Variants in ZNF141 observed in about 807,000 individuals in gnomAD.
The protein encoded by ZNF141 is zinc finger protein 141.
ZNF141 carries 7 observed loss-of-function variants against 11.3 expected under a neutral mutation model. The ratio of observed to expected loss-of-function variants is 0.62; its 90% confidence interval spans 0.35 to 1.16. The LOEUF (loss-of-function observed/expected upper bound fraction) is 1.16. Ranked by LOEUF, ZNF141 falls within the 50% of genes most tolerant of loss-of-function variation. The pLI is 0.02. For synonymous variants in ZNF141, 183 were observed against 190.7 expected (o/e 0.96, Z 0.33); for missense variants, 535 against 554.0 (o/e 0.97, Z 0.34).
chr4:368,780 A>G (rs1353307106), intron 3 of ZNF141, among the ~76,000 whole-genome samples: 1 of 152,136 alleles, frequency 6.6e-6, no homozygotes, highest in Non-Finnish European at 1.5e-5. Context: ...TTAGCTTTGT[A>G]TGTTTTTTGA....
chr4:372,803 G>C lies in ZNF141; in HGVS notation c.366G>C (p.Glu122Asp). The change falls in exon 4 of 4, where the codon GAG (glutamate) becomes GAC (aspartate). Residue 122 changes from glutamate (E) to aspartate (D), a missense_variant. By Grantham distance (45) the Glu-to-Asp change is conservative. Coordinates refer to ENST00000240499, the MANE Select transcript of ZNF141 (RefSeq NM_003441.4). Reference sequence around the variant, plus strand: ...GAAAAGGCTGTAAAAGTTTGAATGAGTGTAAGTTGCAGAAAGGAGGTTATA... The same window carrying C: ...GAAAAGGCTGTAAAAGTTTGAATGACTGTAAGTTGCAGAAAGGAGGTTATA... ...QLRKGCKSLNECKLQKGGYNE... is the reference protein window; with the variant it reads ...QLRKGCKSLNDCKLQKGGYNE... 1 of 1,613,938 alleles carries C rather than the reference G, an allele frequency of 6.2e-7. No individual in the cohort carries two copies. The highest frequency in any genetic ancestry group is 1.1e-5 in the South Asian group (1 of 91,064).
Position 373,183 on chromosome 4 carries a change from A to G in ZNF141, c.746A>G (p.His249Arg), listed in dbSNP as rs781788582. The change falls in exon 4 of 4, where the codon CAT becomes CGT. Residue 249 changes from histidine to arginine, a missense_variant. By Grantham distance (29) the His-to-Arg change is conservative. Transcript: ENST00000240499. ...SSHFAKHKII[H>R]TGEKPYKCEE... ...CACTTTGCTAAGCATAAAATAATTCATACTGGAGAAAAACCCTATAAATGT... is the reference window on the plus strand; with the variant it reads ...CACTTTGCTAAGCATAAAATAATTCGTACTGGAGAAAAACCCTATAAATGT... 3.1e-6 allele frequency: 5 copies of G among 1,614,076 alleles called. No homozygotes were observed. Among genetic ancestry groups the G allele is most frequent in the Non-Finnish European group, 4.2e-6 (5 of 1,180,006 alleles).
intron 1 of ZNF141, among the ~76,000 whole-genome samples, chr4:341,020 C>T (rs1581577475): frequency 6.6e-6 from 1 of 151,860 alleles, no homozygotes; most frequent in African/African-American, 2.4e-5. Flanking sequence ...AAACTCTCTT[C>T]TTATATTATG....
Position 372,667 on chromosome 4 carries a change from T to G in ZNF141, c.230T>G (p.Met77Arg). The G allele has an allele frequency of 6.6e-7, 1 of 1,511,588 alleles. No homozygotes were observed. 93.6% of individuals were successfully genotyped at this position (1,511,588 alleles called of 1,614,324 possible). The change falls in exon 4 of 4, where the codon ATG becomes AGG. Residue 77 changes from methionine (M) to arginine (R), a missense_variant. By Grantham distance (91) the Met-to-Arg change is moderately conservative (BLOSUM62 -1). Transcript: ENST00000240499. ...TTGTAATTTTTATTTCTTTCAGCTA[T>G]GTGTTCTCATTTCACCCAAGACCAT... ...IHKIVARPPA[M>R]CSHFTQDHWP... is the part of the protein sequence containing the mutation.
At chr4:348,008 C>G (rs1311517833) in intron 3 of ZNF141, among the ~76,000 whole-genome samples, 1 of 151,840 alleles carries the variant, frequency 6.6e-6, no homozygotes, top group Admixed American at 6.6e-5. Context: ...CCATGCCCAG[C>G]TAATTTTTTG....
rs781814316 is a variant in ZNF141, at chr4:372,666, A to C, written c.229A>C (p.Met77Leu). The change falls in exon 4 of 4, where the codon ATG becomes CTG. Residue 77 changes from methionine (M) to leucine (L), a missense_variant and splice_region_variant. Physicochemically the swap from Met to Leu is conservative, Grantham distance 15. Coordinates refer to ENST00000240499, the MANE Select transcript of ZNF141 (RefSeq NM_003441.4). ...TTTGTAATTTTTATTTCTTTCAGCTATGTGTTCTCATTTCACCCAAGACCA... is the reference window on the plus strand; with the variant it reads ...TTTGTAATTTTTATTTCTTTCAGCTCTGTGTTCTCATTTCACCCAAGACCA... ...IHKIVARPPA[M>L]CSHFTQDHWP... 32 of 1,510,118 alleles carry C rather than the reference A, an allele frequency of 2.1e-5. No individual in the cohort carries two copies. Among genetic ancestry groups the C allele is most frequent in the Non-Finnish European group, 2.8e-5 (32 of 1,127,754 alleles). The allele number at this position is 1,510,118 out of a possible 1,614,324, so 93.5% of individuals were successfully genotyped here.
intron 2 of ZNF141, 40 bp downstream of exon 2, chr4:343,948 G>A (rs782645652): frequency 1.9e-6 from 3 of 1,574,170 alleles, no homozygotes; most frequent in African/African-American, 1.4e-5. Flanking sequence ...ATTTTTCTCA[G>A]AGCTTTATTT....
At position 380,443 on chromosome 4, in the gene ZNF141, GGA is replaced by G. The variant is rs1553855366; in HGVS notation, c.*6583_*6584del. Among the ~76,000 whole-genome samples the G allele has an allele frequency of 6.6e-6, 1 of 152,096 alleles. No individual in the cohort carries two copies. The stretch of plus-strand genomic sequence containing the variant: ...CCAAGGCAGGTGGATCATGAGGTCA[GGA>G]GTTTGAGACCAGTCTGGCCAACATG... On this transcript the variant is annotated 3_prime_UTR_variant, in exon 4 of 4. Transcript: ENST00000240499.
In ZNF141 at chr4:374,056, A is replaced by T; in HGVS notation, c.*194A>T. Reference sequence around the variant, plus strand: ...GAGAAACTGTACAAATGTGAAGAATATGGCAAAGCCTGTGAATGGTCCACA... The same window carrying T: ...GAGAAACTGTACAAATGTGAAGAATTTGGCAAAGCCTGTGAATGGTCCACA... On this transcript the variant is annotated 3_prime_UTR_variant, in exon 4 of 4. Coordinates refer to ENST00000240499, the MANE Select transcript of ZNF141 (RefSeq NM_003441.4). 1.6e-6 allele frequency: 1 copy of T among 616,476 alleles called. No individual in the cohort carries two copies. Among genetic ancestry groups the T allele is most frequent in the Admixed American group, 3.0e-5 (1 of 32,808 alleles). 38.2% of individuals were successfully genotyped at this position (616,476 alleles called of 1,614,324 possible).
rs1553848989 is a variant in ZNF141, at chr4:343,922, C to T, written c.130+14C>T. The stretch of plus-strand genomic sequence containing the variant: ...TGGTCTCCCTGGGTGAGGATAACTT[C>T]AATACATAATTCCTAATTTTTCTCA... On this transcript the variant is annotated intron_variant, in intron 2 of 3. Coordinates refer to ENST00000240499, the MANE Select transcript of ZNF141 (RefSeq NM_003441.4). The T allele has an allele frequency of 6.3e-7, 1 of 1,583,308 alleles. No homozygotes were observed. Among genetic ancestry groups the T allele is most frequent in the Non-Finnish European group, 8.5e-7 (1 of 1,172,544 alleles).
chr4:376,994 AT>A lies in ZNF141; in HGVS notation c.*3134del, dbSNP rs1712402183. Among the ~76,000 whole-genome samples the A allele has an allele frequency of 6.6e-6, 1 of 152,074 alleles. No individual in the cohort carries two copies. The highest frequency in any genetic ancestry group is 1.5e-5 in the Non-Finnish European group (1 of 67,974). On this transcript the variant is annotated 3_prime_UTR_variant, in exon 4 of 4. Coordinates refer to ENST00000240499, the MANE Select transcript of ZNF141 (RefSeq NM_003441.4). Reference sequence around the variant, plus strand: ...TGTTTATTATGTGAGCTGGTCAGAAATTATAAGAATGATTTTTATAAAATGT... The same window carrying A: ...TGTTTATTATGTGAGCTGGTCAGAAATATAAGAATGATTTTTATAAAATGT...
At chr4:354,517 C>A (rs891335615) in intron 3 of ZNF141, among the ~76,000 whole-genome samples, 1 of 152,064 alleles carries the variant, frequency 6.6e-6, no homozygotes, top group Non-Finnish European at 1.5e-5. Flanking sequence ...TATGTAAATT[C>A]TTTCTGTGCC....
chr4:357,695 TTTTTC>T lies in ZNF141; in HGVS notation c.226+13270_226+13274del, dbSNP rs1316300755. On this transcript the variant is annotated intron_variant, in intron 3 of 3. Coordinates refer to ENST00000240499, the MANE Select transcript of ZNF141 (RefSeq NM_003441.4). ...CCCAAATGCTTCAGTCACTCTTTCTTTTTTCTTTTTTCTTTTTTTTTTTTTTTTTG... is the reference window on the plus strand; with the variant it reads ...CCCAAATGCTTCAGTCACTCTTTCTTTTTTTTCTTTTTTTTTTTTTTTTTG... Among the ~76,000 whole-genome samples, 511 of 150,222 alleles carry T rather than the reference TTTTTC, an allele frequency of 3.4e-3. 2 individuals carry two copies. Among genetic ancestry groups the T allele is most frequent in the African/African-American group, 0.012 (504 of 40,824 alleles).
At chr4:355,270 A>G (rs1581600845) in intron 3 of ZNF141, among the ~76,000 whole-genome samples, 1 of 152,076 alleles carries the variant, frequency 6.6e-6, no homozygotes, top group African/African-American at 2.4e-5. Flanking sequence ...GTTCACCACA[A>G]CCTCGGTTCA....
At chr4:342,765 A>T (rs1342335066) in intron 1 of ZNF141, 1 of 1,487,300 alleles carries the variant, frequency 6.7e-7, no homozygotes, top group East Asian at 2.3e-5. Flanking sequence ...TTTATTTTTG[A>T]TTGTTGTTGT....
chr4:367,637 C>T (rs1553853086), intron 3 of ZNF141, among the ~76,000 whole-genome samples: 1 of 151,812 alleles, frequency 6.6e-6, no homozygotes, highest in East Asian at 1.9e-4. Context: ...CTGCCTCAGC[C>T]TCCTGAGTAG....
Position 373,894 on chromosome 4 carries a change from A to G in ZNF141, c.*32A>G. Reference sequence around the variant, plus strand: ...TCCTACAAATGTAAAGAATGTGGCAAACCTTTGGATGATCCACAAACCTTA... The same window carrying G: ...TCCTACAAATGTAAAGAATGTGGCAGACCTTTGGATGATCCACAAACCTTA... On this transcript the variant is annotated 3_prime_UTR_variant, in exon 4 of 4. Coordinates refer to ENST00000240499, the MANE Select transcript of ZNF141 (RefSeq NM_003441.4). The G allele has an allele frequency of 6.4e-7, 1 of 1,553,720 alleles. No homozygotes were observed. The highest frequency in any genetic ancestry group is 8.8e-7 in the Non-Finnish European group (1 of 1,139,934).
intron 3 of ZNF141, among the ~76,000 whole-genome samples, chr4:347,339 G>GT (rs572417264): frequency 0.043 from 5,013 of 116,232 alleles, 305 homozygotes; most frequent in African/African-American, 0.12. Context: ...GCCCGGCCAA[G>GT]TTTTTTTTTT....
chr4:373,970 C>A lies in ZNF141; in HGVS notation c.*108C>A. On this transcript the variant is annotated 3_prime_UTR_variant, in exon 4 of 4. Coordinates refer to ENST00000240499, the MANE Select transcript of ZNF141 (RefSeq NM_003441.4). Reference sequence around the variant, plus strand: ...AGAGAAACCCTGGAAATGTGAAGAACGTGGCAAAGTTCTTTACCTCATTCT... The same window carrying A: ...AGAGAAACCCTGGAAATGTGAAGAAAGTGGCAAAGTTCTTTACCTCATTCT... The A allele has an allele frequency of 2.0e-6, 2 of 1,004,398 alleles. No homozygotes were observed. Among genetic ancestry groups the A allele is most frequent in the South Asian group, 1.6e-5 (1 of 61,872 alleles). 62.2% of individuals were successfully genotyped at this position (1,004,398 alleles called of 1,614,324 possible).
Sources: gnomAD v4.1 joint callset for allele counts (sites outside exome capture counted in the v4.1 genomes callset) on GRCh38, gnomAD v4.1.1 for gene constraint, MANE v1.5 for transcripts, NCBI Gene and HGNC (gene_info 2026-07-23, HGNC 2026-07-21) for gene names.